The following ARHGAP24 variants were observed in gnomAD, a reference collection of about 807,000 sequenced individuals.
The protein encoded by ARHGAP24 is rho GTPase-activating protein 24.
ARHGAP24 carries 50 observed loss-of-function variants against 76.4 expected under a neutral mutation model. The ratio of observed to expected loss-of-function variants is 0.65; its 90% CI spans 0.52 to 0.83. ARHGAP24 has a LOEUF of 0.83. Ranked by LOEUF, ARHGAP24 falls within the 40% of genes least tolerant of loss-of-function variation. The pLI is 0.00. For missense variants in ARHGAP24, 930 were observed against 914.2 expected (o/e 1.02, Z -0.22); for synonymous variants, 345 against 323.3 (o/e 1.07, Z -0.72).
At chr4:85,942,689 G>A (rs1488422164) in intron 5 of ARHGAP24, among the ~76,000 whole-genome samples, 1 of 151,966 alleles carries the variant, frequency 6.6e-6, no homozygotes, top group African/African-American at 2.4e-5. Context: ...AATAACAAAA[G>A]CATTATATTT....
chr4:85,800,519 G>A (rs896850289), intron 3 of ARHGAP24, among the ~76,000 whole-genome samples: 1 of 152,010 alleles, frequency 6.6e-6, no homozygotes, highest in Non-Finnish European at 1.5e-5. Flanking sequence ...GGAAAAGGAG[G>A]AAGAAGAGGA....
intron 3 of ARHGAP24, among the ~76,000 whole-genome samples, chr4:85,888,414 A>G (rs989727226): frequency 2.0e-5 from 3 of 151,056 alleles, no homozygotes; most frequent in African/African-American, 7.3e-5. Flanking sequence ...AAAAAAAAAA[A>G]AAAAGAAAGA....
At chr4:85,576,245 T>A (rs1041570220) in intron 2 of ARHGAP24, among the ~76,000 whole-genome samples, 2 of 151,900 alleles carry the variant, frequency 1.3e-5, no homozygotes, top group Non-Finnish European at 2.9e-5. Flanking sequence ...GCTAACACGG[T>A]GAAACCCCGT....
At position 85,839,843 on chromosome 4, in the gene ARHGAP24, C is replaced by CTTTT. The variant is rs33974767; in HGVS notation, c.269-83784_269-83781dup. Among the ~76,000 whole-genome samples, 249 of 105,550 alleles carry CTTTT rather than the reference C, an allele frequency of 2.4e-3. 4 individuals are homozygous for CTTTT. The highest frequency in any genetic ancestry group is 6.6e-3 in the Middle Eastern group (1 of 152). 69.2% of individuals were successfully genotyped at this position (105,550 alleles called of 152,430 possible). A position where few individuals can be genotyped will look rare whatever the true frequency, so the allele number is the denominator to read the frequency against. ...CTACCAAGTGTCTTTTTTCTGTTTTCTTTTTTTTTTTTTTTTTTTTTTTTG... is the reference window on the plus strand; with the variant it reads ...CTACCAAGTGTCTTTTTTCTGTTTTCTTTTTTTTTTTTTTTTTTTTTTTTTTTTG... On this transcript the variant is annotated intron_variant, in intron 3 of 9. Coordinates refer to ENST00000395184, the MANE Select transcript of ARHGAP24 (RefSeq NM_001025616.3).
At chr4:85,675,131 G>A (rs1228796429) in intron 2 of ARHGAP24, among the ~76,000 whole-genome samples, 3 of 152,144 alleles carry the variant, frequency 2.0e-5, no homozygotes, top group African/African-American at 7.2e-5. Flanking sequence ...ATTGTCCTTT[G>A]GCAGGAGTGA....
intron 3 of ARHGAP24, among the ~76,000 whole-genome samples, chr4:85,813,820 A>T (rs1285861848): frequency 1.8e-4 from 14 of 79,588 alleles, no homozygotes; most frequent in African/African-American, 3.3e-4. Flanking sequence ...TATTTATTTT[A>T]TATATATATA....
intron 5 of ARHGAP24, among the ~76,000 whole-genome samples, chr4:85,952,687 AT>A: frequency 6.6e-6 from 1 of 152,270 alleles, no homozygotes; most frequent in South Asian, 2.1e-4. Flanking sequence ...TGATACTTTT[AT>A]ATAGGCATGA....
intron 1 of ARHGAP24, among the ~76,000 whole-genome samples, chr4:85,493,236 T>A (rs1723427840): frequency 6.6e-6 from 1 of 152,244 alleles, no homozygotes; most frequent in Admixed American, 6.5e-5. Flanking sequence ...TTTCTGTAAC[T>A]AATAAGCATT....
At chr4:85,630,297 G>C (rs1035412939) in intron 2 of ARHGAP24, among the ~76,000 whole-genome samples, 3 of 152,036 alleles carry the variant, frequency 2.0e-5, no homozygotes. Context: ...AGCTCACTAG[G>C]TTCTTTAAGA....
At chr4:85,477,829 T>C (rs57273461) in intron 1 of ARHGAP24, among the ~76,000 whole-genome samples, 3,985 of 152,314 alleles carry the variant, frequency 0.026, 180 homozygotes, top group African/African-American at 0.09. Flanking sequence ...GGTGCTACTG[T>C]ACAGTTCAGG....
chr4:85,931,833 A>C (rs1184575212), intron 4 of ARHGAP24, among the ~76,000 whole-genome samples: 1 of 152,214 alleles, frequency 6.6e-6, no homozygotes, highest in Non-Finnish European at 1.5e-5. Context: ...ATGGCTGTTT[A>C]AGTAGAAACT....
At chr4:85,621,998 G>C (rs977761060) in intron 2 of ARHGAP24, among the ~76,000 whole-genome samples, 2 of 151,920 alleles carry the variant, frequency 1.3e-5, no homozygotes, top group African/African-American at 4.8e-5. Flanking sequence ...TTCTCGCTTA[G>C]AACTTCTTTT....
chr4:85,747,575 C>T (rs1242126640), intron 3 of ARHGAP24, among the ~76,000 whole-genome samples: 1 of 151,584 alleles, frequency 6.6e-6, no homozygotes, highest in Non-Finnish European at 1.5e-5. Flanking sequence ...TAGTGGCGGG[C>T]GCCTGTAGTC....
At chr4:85,792,294 A>G (rs1560635591) in intron 3 of ARHGAP24, among the ~76,000 whole-genome samples, 1 of 152,208 alleles carries the variant, frequency 6.6e-6, no homozygotes, top group Non-Finnish European at 1.5e-5. Flanking sequence ...AGAATTCAGA[A>G]TATACTGGTC....
chr4:85,481,529 C>T (rs1456342974), intron 1 of ARHGAP24, among the ~76,000 whole-genome samples: 2 of 152,104 alleles, frequency 1.3e-5, no homozygotes, highest in Non-Finnish European at 2.9e-5. Context: ...TTACCACTAC[C>T]AAGGTTGGCT....
chr4:85,663,462 A>G (rs1722486844), intron 2 of ARHGAP24, among the ~76,000 whole-genome samples: 1 of 150,316 alleles, frequency 6.7e-6, no homozygotes, highest in African/African-American at 2.5e-5. Flanking sequence ...TGTCATCTGC[A>G]AACAGGGACA....
intron 3 of ARHGAP24, among the ~76,000 whole-genome samples, chr4:85,741,315 G>A (rs1359968869): frequency 8.5e-5 from 13 of 152,184 alleles, no homozygotes. Context: ...GAACATCTTA[G>A]AGACTCTATG....
intron 2 of ARHGAP24, among the ~76,000 whole-genome samples, chr4:85,602,318 C>T (rs571739258): frequency 7.2e-5 from 11 of 152,226 alleles, no homozygotes; most frequent in East Asian, 1.9e-4. Context: ...CTGATTAAAA[C>T]GCAAAAATTT....
At chr4:85,557,303 C>G (rs1233338107) in intron 1 of ARHGAP24, among the ~76,000 whole-genome samples, 4 of 152,206 alleles carry the variant, frequency 2.6e-5, no homozygotes, top group African/African-American at 9.6e-5. Context: ...CTGACCTTCC[C>G]CATTGCTGGA....
Sources: allele counts gnomAD v4.1 joint callset (sites outside exome capture counted in the v4.1 genomes callset), GRCh38; gene constraint gnomAD v4.1.1; transcripts MANE v1.5; gene names NCBI Gene and HGNC (gene_info 2026-07-23, HGNC 2026-07-21).